The following XKR9 variants were observed in gnomAD, a reference collection of about 807,000 sequenced individuals.
XKR9 encodes the protein XK-related protein 9.
Under a neutral mutation model 32.0 loss-of-function variants are expected in XKR9, and 32 were observed. The observed-to-expected ratio is 1.00, with a 90% confidence interval of 0.76 to 1.34. The LOEUF (loss-of-function observed/expected upper bound fraction) is 1.34, where lower values mean the gene tolerates loss of function less well. Ranked by LOEUF, XKR9 falls within the 40% of genes most tolerant of loss-of-function variation. XKR9 has a pLI of 0.00. For synonymous variants in XKR9, 168 were observed against 143.4 expected (o/e 1.17, Z -1.22); for missense variants, 546 against 429.7 (o/e 1.27, Z -2.39).
At chr8:70,746,795 A>G (rs1277170777) in intron 2 of XKR9, among the ~76,000 whole-genome samples, 2 of 151,750 alleles carry the variant, frequency 1.3e-5, no homozygotes, top group East Asian at 1.9e-4. Context: ...ATTCAGGAGT[A>G]TATGTGCAGA....
intron 3 of XKR9, among the ~76,000 whole-genome samples, chr8:70,700,106 A>C (rs986827925): frequency 6.6e-6 from 1 of 152,100 alleles, no homozygotes. Flanking sequence ...AAAGTTTTTA[A>C]CTTCTTTGCC....
chr8:70,889,605 A>G, the XKR9 span, among the ~76,000 whole-genome samples: 1 of 151,828 alleles, frequency 6.6e-6, no homozygotes, highest in Non-Finnish European at 1.5e-5. Context: ...CTTTATGTCC[A>G]TGAGTACCTG....
the XKR9 span, among the ~76,000 whole-genome samples, chr8:71,039,936 A>C: frequency 6.6e-6 from 1 of 152,192 alleles, no homozygotes; most frequent in South Asian, 2.1e-4. Flanking sequence ...GGATATGGAA[A>C]AAGAATCATT....
At chr8:70,996,871 T>A in the XKR9 span, among the ~76,000 whole-genome samples, 1 of 152,210 alleles carries the variant, frequency 6.6e-6, no homozygotes, top group Non-Finnish European at 1.5e-5. Context: ...TAAAGGAACA[T>A]CCTGATCCTT....
chr8:71,007,125 A>T, the XKR9 span, among the ~76,000 whole-genome samples: 1 of 152,198 alleles, frequency 6.6e-6, no homozygotes, highest in African/African-American at 2.4e-5. Flanking sequence ...GTCCGCGATT[A>T]TACCTGCCAT....
intron 2 of XKR9, among the ~76,000 whole-genome samples, chr8:70,773,948 A>C (rs1586892903): frequency 6.6e-6 from 1 of 152,128 alleles, no homozygotes; most frequent in African/African-American, 2.4e-5. Context: ...TGTTCACTGG[A>C]AACAGTTTCA....
chr8:70,827,143 T>G, the XKR9 span, among the ~76,000 whole-genome samples: 1 of 152,268 alleles, frequency 6.6e-6, no homozygotes, highest in South Asian at 2.1e-4. Flanking sequence ...AAAACTCTCT[T>G]TGATGGAATA....
intron 2 of XKR9, among the ~76,000 whole-genome samples, chr8:70,754,826 G>A (rs1807194649): frequency 1.3e-5 from 2 of 151,886 alleles, no homozygotes; most frequent in Admixed American, 6.6e-5. Flanking sequence ...GAAAACCTAG[G>A]CATTACCATT....
chr8:70,974,750 T>C, the XKR9 span, among the ~76,000 whole-genome samples: 2 of 152,240 alleles, frequency 1.3e-5, no homozygotes, highest in African/African-American at 4.8e-5. Context: ...TTTGGGTATA[T>C]ACCCAGTAAT....
the XKR9 span, among the ~76,000 whole-genome samples, chr8:71,001,871 A>G: frequency 6.6e-6 from 1 of 152,238 alleles, no homozygotes; most frequent in Non-Finnish European, 1.5e-5. Flanking sequence ...TTGAAAAAAC[A>G]ACTATTTATC....
chr8:70,780,122 C>T (rs1307749802), intron 2 of XKR9, among the ~76,000 whole-genome samples: 2 of 151,564 alleles, frequency 1.3e-5, no homozygotes, highest in East Asian at 3.9e-4. Flanking sequence ...CTTTTAATCT[C>T]AATATTAGTA....
At chr8:70,797,046 T>A in the XKR9 span, among the ~76,000 whole-genome samples, 1 of 152,214 alleles carries the variant, frequency 6.6e-6, no homozygotes, top group African/African-American at 2.4e-5. Flanking sequence ...TTTATTGGGT[T>A]CAAATAGTGG....
chr8:70,950,763 T>C, the XKR9 span, among the ~76,000 whole-genome samples: 1 of 152,172 alleles, frequency 6.6e-6, no homozygotes, highest in Admixed American at 6.5e-5. Flanking sequence ...AACCTCCACC[T>C]CTGGGGATCA....
At chr8:70,776,947 C>CTCTCTCTATATATATATATATATA in intron 2 of XKR9, among the ~76,000 whole-genome samples, 26 of 54,192 alleles carry the variant, frequency 4.8e-4, no homozygotes, top group Admixed American at 1.5e-3. Flanking sequence ...CTCTCTCTCT[C>CTCTCTCTATATATATATATATATA]TATATATATA....
chr8:70,732,790 A>C (rs1213371412), intron 4 of XKR9, among the ~76,000 whole-genome samples: 2 of 152,196 alleles, frequency 1.3e-5, no homozygotes, highest in Non-Finnish European at 2.9e-5. Context: ...TCAATAGATA[A>C]ATTTTTGTAA....
chr8:70,673,027 T>G (rs1254262164), intron 1 of XKR9, among the ~76,000 whole-genome samples: 1 of 152,220 alleles, frequency 6.6e-6, no homozygotes, highest in East Asian at 1.9e-4. Context: ...TGCACCCTGT[T>G]GATTGTTTCC....
the XKR9 span, among the ~76,000 whole-genome samples, chr8:71,048,057 CAACTTCCATGTGAGGGAG>C: frequency 2.0e-5 from 3 of 152,194 alleles, no homozygotes; most frequent in Non-Finnish European, 4.4e-5. Flanking sequence ...AAGGAGCTTC[CAACTTCCATGTGAGGGAG>C]ACACATTCCG....
At chr8:70,766,016 T>C (rs1055353121) in intron 2 of XKR9, among the ~76,000 whole-genome samples, 3 of 152,150 alleles carry the variant, frequency 2.0e-5, no homozygotes, top group African/African-American at 7.2e-5. Flanking sequence ...AGCCTTGTAG[T>C]ATTGTTTGAG....
chr8:70,899,488 T>C, the XKR9 span, among the ~76,000 whole-genome samples: 1 of 151,574 alleles, frequency 6.6e-6, no homozygotes, highest in Non-Finnish European at 1.5e-5. Flanking sequence ...CAATTTTGCA[T>C]GGGGAGTCAC....
Sources: gnomAD v4.1 joint callset for allele counts (sites outside exome capture counted in the v4.1 genomes callset) on GRCh38, gnomAD v4.1.1 for gene constraint, MANE v1.5 for transcripts, NCBI Gene and HGNC (gene_info 2026-07-23, HGNC 2026-07-21) for gene names.